DMD: variants seen among roughly 807,000 people sequenced by gnomAD.
DMD encodes dystrophin.
Under a neutral mutation model 330.1 loss-of-function variants are expected in DMD, and 63 were observed. The observed-to-expected ratio is 0.19, with a 90% CI of 0.16 to 0.24. The LOEUF is 0.24. Among genes scored for constraint, DMD ranks in the 10% least tolerant of loss-of-function variants. The pLI is 1.00. For missense variants in DMD, 3,344 were observed against 2,684.1 expected, an observed-to-expected ratio of 1.25 and a Z score of -5.43; for synonymous variants, 1,223 against 959.8, an observed-to-expected ratio of 1.27 and a Z score of -5.07.
At chrX:32,800,283 C>A (rs1017121640) in intron 7 of DMD, among the ~76,000 whole-genome samples, 2 of 111,835 alleles carry the variant, frequency 1.8e-5, no homozygotes, top group Non-Finnish European at 3.8e-5. Flanking sequence ...ACGAATTTTG[C>A]TGGTAAATCT....
rs765699385 is a variant in DMD, at chrX:32,543,072, T to G, written c.2168+2087A>C. 3.6e-5 allele frequency among the ~76,000 whole-genome samples: 4 copies of G among 112,046 alleles called. No homozygotes were observed. The East Asian group carries it at 8.4e-4, about 24-fold the overall frequency. ...TGTGTATAATTTTATAAAGTAATTA[T>G]AGCCATACCTATTTTGGGAGGTTAC... is the stretch of plus-strand genomic sequence containing the variant. On this transcript the variant is annotated intron_variant, in intron 17 of 78. Transcript: ENST00000357033.
chrX:31,689,281 T>C (rs1183504906), intron 52 of DMD, among the ~76,000 whole-genome samples: 8 of 112,216 alleles, frequency 7.1e-5, no homozygotes, highest in East Asian at 2.8e-4. Context: ...TCTCAGGATA[T>C]AAAATCAATG....
intron 19 of DMD, among the ~76,000 whole-genome samples, chrX:32,501,371 A>G: frequency 8.9e-6 from 1 of 112,137 alleles, no homozygotes; most frequent in East Asian, 2.8e-4. Flanking sequence ...GTGTTTGGAA[A>G]AACATATTGC....
intron 1 of DMD, among the ~76,000 whole-genome samples, chrX:33,095,017 C>T: frequency 9.0e-6 from 1 of 111,676 alleles, no homozygotes; most frequent in Non-Finnish European, 1.9e-5. Context: ...CAATAAACTA[C>T]ATTTTTAATA....
At chrX:32,382,703 A>ATACTT (rs746714009) in intron 33 of DMD, among the ~76,000 whole-genome samples, 15 of 109,364 alleles carry the variant, frequency 1.4e-4, no homozygotes, top group Admixed American at 1.2e-3. Flanking sequence ...GAGGGAAAAT[A>ATACTT]TACTTTATGG....
chrX:32,311,128 T>C (rs1343312371), intron 41 of DMD, among the ~76,000 whole-genome samples: 2 of 110,826 alleles, frequency 1.8e-5, no homozygotes, highest in African/African-American at 3.3e-5. Flanking sequence ...CTGTGCTCTC[T>C]TCTGTCTACA....
intron 2 of DMD, among the ~76,000 whole-genome samples, chrX:32,866,976 C>T (rs1450625324): frequency 9.9e-5 from 11 of 111,229 alleles, no homozygotes; most frequent in African/African-American, 3.3e-4. Context: ...CCTCGTGATC[C>T]GCCCACCTCG....
At position 32,844,868 on chromosome X, in the gene DMD, CA is replaced by C; in HGVS notation, c.187-9del. On this transcript the variant is annotated splice_polypyrimidine_tract_variant and intron_variant, in intron 3 of 78. Transcript: ENST00000357033. The stretch of plus-strand genomic sequence containing the variant: ...GGATCCTTTTTCTTTTGGCTGAGAA[CA>C]AAACAAAAGAGTGTTCACTGACCAG... 1 of 1,201,163 alleles carries C rather than the reference CA, an allele frequency of 8.3e-7. No individual in the cohort carries two copies. The highest frequency in any genetic ancestry group is 2.2e-5 in the Admixed American group (1 of 45,957).
chrX:33,214,678 G>A (rs776279228), upstream of DMD, among the ~76,000 whole-genome samples: 1 of 111,867 alleles, frequency 8.9e-6, no homozygotes, highest in Non-Finnish European at 1.9e-5. Flanking sequence ...TTAAGAGATG[G>A]AGGCTTGCTC....
rs73212307 is a variant in DMD at position 31,263,777 on chromosome X, A to T, written c.9225-2761T>A. ...CAGTCTTAGTTTCACTTCAATTGCAAATCAGTTCTAAGCAAAAGAAGTGAG... is the reference window on the plus strand; with the variant it reads ...CAGTCTTAGTTTCACTTCAATTGCATATCAGTTCTAAGCAAAAGAAGTGAG... On this transcript the variant is annotated intron_variant, in intron 62 of 78. Coordinates refer to ENST00000357033, the MANE Select transcript of DMD (RefSeq NM_004006.3). Among the ~76,000 whole-genome samples, 768 of 112,855 alleles carry T rather than the reference A, an allele frequency of 6.8e-3. 6 individuals carry two copies. The highest frequency in any genetic ancestry group is 0.011 in the Non-Finnish European group (571 of 53,360).
intron 47 of DMD, among the ~76,000 whole-genome samples, chrX:31,888,233 A>G (rs1444203855): frequency 2.7e-5 from 3 of 111,721 alleles, no homozygotes; most frequent in African/African-American, 3.3e-5. Flanking sequence ...AGGGCTAGGT[A>G]TTAATTAATT....
chrX:33,077,043 G>A (rs1453233947), intron 1 of DMD, among the ~76,000 whole-genome samples: 1 of 110,949 alleles, frequency 9.0e-6, no homozygotes, highest in Admixed American at 9.6e-5. Context: ...CACAAGATCA[G>A]ATGAGCCAGT....
intron 67 of DMD, among the ~76,000 whole-genome samples, chrX:31,200,070 C>A (rs1166791088): frequency 8.9e-6 from 1 of 112,215 alleles, no homozygotes; most frequent in East Asian, 2.8e-4. Context: ...ATCCATTCAA[C>A]CTGATTGCAA....
intron 63 of DMD, among the ~76,000 whole-genome samples, chrX:31,240,451 T>C (rs2048136009): frequency 8.9e-6 from 1 of 111,904 alleles, no homozygotes; most frequent in South Asian, 3.7e-4. Flanking sequence ...ATGTTTGATT[T>C]CTTAAAGTCA....
At chrX:31,208,586 T>C (rs751436248) in intron 65 of DMD, among the ~76,000 whole-genome samples, 1 of 111,733 alleles carries the variant, frequency 8.9e-6, no homozygotes, top group South Asian at 3.8e-4. Context: ...GTCCTGAAAT[T>C]TTAAAAAGCA....
intron 44 of DMD, among the ~76,000 whole-genome samples, chrX:32,001,684 T>C (rs1361870977): frequency 9.0e-6 from 1 of 111,591 alleles, no homozygotes; most frequent in East Asian, 2.8e-4. Context: ...AAAAATCAAA[T>C]CGGTCGATTT....
At chrX:31,714,539 A>G (rs1272283949) in intron 52 of DMD, among the ~76,000 whole-genome samples, 2 of 111,691 alleles carry the variant, frequency 1.8e-5, no homozygotes, top group Non-Finnish European at 3.8e-5. Context: ...TCAACTTTAT[A>G]TTCAATACTT....
At chrX:32,995,311 T>C (rs768077084) in intron 2 of DMD, among the ~76,000 whole-genome samples, 32 of 112,252 alleles carry the variant, frequency 2.9e-4, no homozygotes, top group Non-Finnish European at 5.8e-4. Context: ...ATAATGTACA[T>C]AGAAACTTTA....
chrX:32,359,900 ATACT>A (rs2147195686), intron 37 of DMD, among the ~76,000 whole-genome samples: 1 of 110,722 alleles, frequency 9.0e-6, no homozygotes, highest in African/African-American at 3.3e-5. Flanking sequence ...TTTAAATTTA[ATACT>A]TTATTTTAAA....
Sources: gnomAD v4.1 joint callset for allele counts (sites outside exome capture counted in the v4.1 genomes callset) on GRCh38, gnomAD v4.1.1 for gene constraint, MANE v1.5 for transcripts, NCBI Gene and HGNC (gene_info 2026-07-23, HGNC 2026-07-21) for gene names.